Variants in TNMD observed in about 807,000 individuals in gnomAD.
TNMD encodes the protein tenomodulin, also known as BRICHOS domain containing 4.
Under a neutral mutation model 26.9 loss-of-function variants are expected in TNMD, and 15 were observed. That is an observed-to-expected ratio of 0.56 (90% CI 0.37 to 0.86). The LOEUF is 0.86. Among genes scored for constraint, TNMD ranks in the 40% least tolerant of loss-of-function variants. The pLI is 0.00. For missense variants in TNMD, 222 were observed against 242.6 expected (o/e 0.92, Z 0.56); for synonymous variants, 73 against 77.0 (o/e 0.95, Z 0.27).
Position 100,599,118 on chromosome X carries a change from T to C in TNMD, c.680T>C (p.Val227Ala). ...AATGAACAGTGGGTGGTCCCTCAAG[T>C]GAAAGTAGAGAAGACCCGTCACGCC... ...EQNEQWVVPQ[V>A]KVEKTRHARQ... Residue 227 changes from valine (V) to alanine (A), a missense_variant, in exon 6 of 7, where the codon GTG becomes GCG. Transcript: ENST00000373031. 1 of 1,205,853 alleles carries C rather than the reference T, an allele frequency of 8.3e-7. No individual in the cohort carries two copies. Among genetic ancestry groups the C allele is most frequent in the East Asian group, 3.0e-5 (1 of 33,685 alleles).
intron 3 of TNMD, 26 bp downstream of exon 3, chrX:100,594,061 G>C (rs757946626): frequency 5.9e-6 from 7 of 1,187,964 alleles, no homozygotes; most frequent in Non-Finnish European, 7.9e-6. Context: ...TCCTCCTAAG[G>C]CTTTCCACTT....
chrX:100,591,781 C>G (rs1348179211), intron 2 of TNMD, among the ~76,000 whole-genome samples: 2 of 109,068 alleles, frequency 1.8e-5, no homozygotes, highest in African/African-American at 7.1e-5. Context: ...GAATGGACCC[C>G]TTCTCCCCTA....
At chrX:100,589,240 G>A (rs1053484275) in intron 2 of TNMD, among the ~76,000 whole-genome samples, 3 of 110,362 alleles carry the variant, frequency 2.7e-5, no homozygotes, top group South Asian at 4.0e-4. Flanking sequence ...ACCACAGTCC[G>A]GTGGGTGAAA....
At position 100,585,359 on chromosome X, in the gene TNMD, A is replaced by G; in HGVS notation, c.177A>G (p.Lys59=). The change falls in exon 2 of 7, where the codon AAA becomes AAG. Residue 59 remains lysine (K), a synonymous_variant. Coordinates refer to ENST00000373031, the MANE Select transcript of TNMD (RefSeq NM_022144.3). ...GSKHFWPEVP[K]KAYDMEHTFY... ...AGCACTTCTGGCCGGAGGTACCCAA[A>G]AAAGTAAGTAAATACACATCATAAT... 1 of 1,209,358 alleles carries G rather than the reference A, an allele frequency of 8.3e-7. No homozygotes were observed. Among genetic ancestry groups the G allele is most frequent in the Non-Finnish European group, 1.1e-6 (1 of 894,468 alleles).
chrX:100,597,412 C>G, intron 4 of TNMD, 92 bp from the exon 5 acceptor site: 1 of 1,046,321 alleles, frequency 9.6e-7, no homozygotes, highest in Non-Finnish European at 1.3e-6. Flanking sequence ...TTGTTACACT[C>G]AAAATATATT....
chrX:100,585,545 G>GA (rs5903164), intron 2 of TNMD, among the ~76,000 whole-genome samples, 183 bp downstream of exon 2: 44,513 of 109,750 alleles, frequency 0.41, 6,928 homozygotes, highest in African/African-American at 0.52. Flanking sequence ...TTTGGTAAGG[G>GA]AAAAAAATTT....
Position 100,599,627 on chromosome X carries a change from A to G in TNMD, c.864A>G (p.Pro288=), listed in dbSNP as rs2082963242. 1 of 1,211,720 alleles carries G rather than the reference A, an allele frequency of 8.3e-7. No homozygotes were observed. The highest frequency in any genetic ancestry group is 1.8e-5 in the South Asian group (1 of 56,935). The change falls in exon 7 of 7, where the codon CCA becomes CCG. Residue 288 remains proline (P), a synonymous_variant. Transcript: ENST00000373031. ...RVCEPLLGYY[P]YPYCYQGGRV... ...GTGAACCTTTACTAGGCTACTACCC[A>G]TATCCATACTGCTACCAAGGAGGAC...
chrX:100,593,417 T>C lies in TNMD; in HGVS notation c.181-478T>C, dbSNP rs924592224. 8.2e-6 allele frequency: 6 copies of C among 731,955 alleles called. No homozygotes were observed. The South Asian group carries it at 3.5e-4, about 43-fold the overall frequency. The allele number at this position is 731,955 out of a possible 1,213,427, so 60.3% of individuals were successfully genotyped here. On this transcript the variant is annotated intron_variant, in intron 2 of 6. Transcript: ENST00000373031. ...AACAGAGCAGGGTAGGGCTCTAATATTGGCAAGGAGAAAGTCTTCAGATTC... is the reference window on the plus strand; with the variant it reads ...AACAGAGCAGGGTAGGGCTCTAATACTGGCAAGGAGAAAGTCTTCAGATTC...
intron 2 of TNMD, among the ~76,000 whole-genome samples, chrX:100,591,665 C>G (rs1030499311): frequency 4.5e-5 from 5 of 111,396 alleles, no homozygotes; most frequent in Non-Finnish European, 9.4e-5. Flanking sequence ...CTCCCCACTC[C>G]TACCCCCTAC....
chrX:100,586,401 G>A (rs1455148036), intron 2 of TNMD, among the ~76,000 whole-genome samples: 3 of 111,647 alleles, frequency 2.7e-5, no homozygotes, highest in Middle Eastern at 4.6e-3. Context: ...GGCATGGACC[G>A]TTAGGAGCCA....
chrX:100,593,580 A>C, intron 2 of TNMD: 1 of 161,613 alleles, frequency 6.2e-6, no homozygotes, highest in Non-Finnish European at 1.1e-5. Context: ...GGGGCGGGGC[A>C]GTAAGGGGGG....
chrX:100,585,181 C>T (rs1540914), intron 1 of TNMD, 50 bp from the exon 2 acceptor site: 18,366 of 1,185,991 alleles, frequency 0.015, 409 homozygotes, highest in African/African-American at 0.13. Context: ...TTATGGCTTG[C>T]TTATTGAGAT....
At chrX:100,585,637 C>T (rs981577701) in intron 2 of TNMD, among the ~76,000 whole-genome samples, 23 of 111,587 alleles carry the variant, frequency 2.1e-4, no homozygotes, top group Non-Finnish European at 3.2e-4. Context: ...AGTTAAGACT[C>T]CTCCTAGGAG....
At chrX:100,592,176 G>A (rs1451469491) in intron 2 of TNMD, among the ~76,000 whole-genome samples, 1 of 111,756 alleles carries the variant, frequency 8.9e-6, no homozygotes, top group Non-Finnish European at 1.9e-5. Flanking sequence ...AAATTCCCCC[G>A]TTGGGAGAGC....
In TNMD at chrX:100,594,353, A is replaced by C; in HGVS notation, c.414A>C (p.Glu138Asp). Residue 138 changes from glutamate (E) to aspartate (D), a missense_variant, in exon 4 of 7, where the codon GAA (glutamate) becomes GAC (aspartate). By Grantham distance (45) the Glu-to-Asp change is conservative. Transcript: ENST00000373031. ...CTGAATTTTCTGAACCAGAAGAGGAAATAGATGAGGTATGTAAGAAGAATA... is the reference window on the plus strand; with the variant it reads ...CTGAATTTTCTGAACCAGAAGAGGACATAGATGAGGTATGTAAGAAGAATA... ...VIPEFSEPEE[E>D]IDENEEITTT... The C allele has an allele frequency of 8.6e-7, 1 of 1,162,850 alleles. No homozygotes were observed. Among genetic ancestry groups the C allele is most frequent in the African/African-American group, 1.8e-5 (1 of 56,811 alleles).
intron 2 of TNMD, among the ~76,000 whole-genome samples, chrX:100,587,456 G>C (rs1185827978): frequency 1.8e-5 from 2 of 112,366 alleles, no homozygotes; most frequent in Non-Finnish European, 3.8e-5. Flanking sequence ...TCTCAGAAAT[G>C]AACAAAGCTA....
At chrX:100,591,605 T>C (rs73555427) in intron 2 of TNMD, among the ~76,000 whole-genome samples, 2,037 of 111,491 alleles carry the variant, frequency 0.018, 51 homozygotes, top group African/African-American at 0.063. Context: ...GAACAGTCTG[T>C]TCCAAAAGGA....
rs2082956365 is a variant in TNMD at position 100,597,545 on chromosome X, T to A, written c.465T>A (p.Ile155=). 1.7e-6 allele frequency: 2 copies of A among 1,211,880 alleles called. No individual in the cohort carries two copies. Among genetic ancestry groups the A allele is most frequent in the Non-Finnish European group, 2.2e-6 (2 of 895,461 alleles). ...CAACTTTCTTTGAACAGTCAGTGAT[T>A]TGGGTCCCAGCAGAAAAGCCTATTG... ...ITTTFFEQSV[I]WVPAEKPIEN... Residue 155 remains isoleucine, a synonymous_variant, in exon 5 of 7, where the codon ATT becomes ATA. Coordinates refer to ENST00000373031, the MANE Select transcript of TNMD (RefSeq NM_022144.3).
At chrX:100,594,097 T>A in intron 3 of TNMD, 62 bp downstream of exon 3, 1 of 1,089,726 alleles carries the variant, frequency 9.2e-7, no homozygotes, top group Non-Finnish European at 1.2e-6. Context: ...TTGAGTCAAG[T>A]TAAAAATAGC....
Sources: gnomAD v4.1 joint callset for allele counts (sites outside exome capture counted in the v4.1 genomes callset) on GRCh38, gnomAD v4.1.1 for gene constraint, MANE v1.5 for transcripts, NCBI Gene and HGNC (gene_info 2026-07-23, HGNC 2026-07-21) for gene names.